ZNF410: variants seen among roughly 807,000 people sequenced by gnomAD.
ZNF410 encodes another partner for ARF 1.
A neutral mutation model predicts 54.8 loss-of-function variants in ZNF410; 18 were observed. The ratio of observed to expected loss-of-function variants is 0.33; its 90% confidence interval spans 0.23 to 0.49. ZNF410 has a LOEUF of 0.49. Among genes scored for constraint, ZNF410 ranks in the 20% least tolerant of loss-of-function variants. The probability of loss-of-function intolerance (pLI) is 0.99; values close to 1 mark genes in which losing one functional copy is unlikely to be tolerated. For missense variants in ZNF410, 405 were observed against 569.6 expected (o/e 0.71, Z 2.94); for synonymous variants, 191 against 207.3 (o/e 0.92, Z 0.68).
chr14:73,919,178 G>A (rs1222632623), intron 8 of ZNF410, among the ~76,000 whole-genome samples: 2 of 150,944 alleles, frequency 1.3e-5, no homozygotes, highest in Non-Finnish European at 2.9e-5. Flanking sequence ...GCTAATTTTT[G>A]TAGAGATGCG....
intron 4 of ZNF410, 84 bp from the exon 5 acceptor site, chr14:73,897,987 A>AAG (rs2055348986): frequency 7.7e-7 from 1 of 1,291,788 alleles, no homozygotes; most frequent in Non-Finnish European, 1.0e-6. Context: ...AAAAAAAAAA[A>AAG]AAAGGGACAT....
At position 73,896,489 on chromosome 14, in the gene ZNF410, C is replaced by T; in HGVS notation, c.343C>T (p.Pro115Ser). The change falls in exon 4 of 12, where the codon CCA becomes TCA. Residue 115 changes from proline to serine, a missense_variant. Pro to Ser is a moderately conservative substitution (Grantham distance 74). This residue lies in a region of ZNF410 where 247 missense variants were observed against 342.8 expected (regional missense o/e 0.72). Transcript: ENST00000555044. ...TTCTAGCTTGTTGCAAGATCTACAG[C>T]CAAGTGATAGCACTTCTTTTATTCT... Reference protein sequence around the residue: ...ESSSLLQDLQPSDSTSFILLN... With the variant: ...ESSSLLQDLQSSDSTSFILLN... 6.2e-7 allele frequency: 1 copy of T among 1,614,146 alleles called. No individual in the cohort carries two copies. Among genetic ancestry groups the T allele is most frequent in the South Asian group, 1.1e-5 (1 of 91,074 alleles).
At chr14:73,917,238 A>G (rs1364133634) in intron 8 of ZNF410, among the ~76,000 whole-genome samples, 1 of 152,158 alleles carries the variant, frequency 6.6e-6, no homozygotes, top group East Asian at 1.9e-4. Context: ...ATGAAGTTTA[A>G]GACTTTTGGA....
chr14:73,915,440 C>T (rs982460801), intron 8 of ZNF410, among the ~76,000 whole-genome samples: 13 of 151,542 alleles, frequency 8.6e-5, no homozygotes, highest in African/African-American at 1.5e-4. Flanking sequence ...TGAGTTCAAG[C>T]GATTCTCCTG....
intron 5 of ZNF410, among the ~76,000 whole-genome samples, chr14:73,901,345 C>T (rs1353447766): frequency 6.6e-6 from 1 of 151,776 alleles, no homozygotes; most frequent in Non-Finnish European, 1.5e-5. Context: ...CCAAGGTGGG[C>T]AGATCACTGG....
At chr14:73,894,569 G>C (rs529841173) in intron 3 of ZNF410, among the ~76,000 whole-genome samples, 1 of 152,122 alleles carries the variant, frequency 6.6e-6, no homozygotes, top group East Asian at 1.9e-4. Flanking sequence ...TGGGATTACA[G>C]GTGCGTGCCA....
chr14:73,925,875 C>CA (rs560618914), intron 11 of ZNF410, among the ~76,000 whole-genome samples: 3 of 150,982 alleles, frequency 2.0e-5, no homozygotes, highest in Non-Finnish European at 4.4e-5. Flanking sequence ...ACAAAAAATA[C>CA]AAAAAAAAAT....
intron 5 of ZNF410, among the ~76,000 whole-genome samples, chr14:73,900,531 G>A (rs992013250): frequency 6.6e-6 from 1 of 151,876 alleles, no homozygotes; most frequent in Non-Finnish European, 1.5e-5. Flanking sequence ...ATGCCACCAT[G>A]CCCAGCTAAT....
chr14:73,893,213 A>T (rs2055258799), intron 2 of ZNF410: 1 of 152,224 alleles, frequency 6.6e-6, no homozygotes, highest in Non-Finnish European at 1.5e-5. Context: ...TTAAAATGTA[A>T]TTATTTTTAT....
intron 7 of ZNF410, among the ~76,000 whole-genome samples, chr14:73,905,929 AT>A (rs1433267727): frequency 7.0e-6 from 1 of 142,150 alleles, no homozygotes; most frequent in Non-Finnish European, 1.5e-5. Context: ...ATATATACAC[AT>A]ACATACATAT....
chr14:73,892,033 T>C lies in ZNF410; in HGVS notation c.-143T>C. On this transcript the variant is annotated 5_prime_UTR_variant, in exon 2 of 12. Transcript: ENST00000555044. ...TTTTTTACCCCTATTCTAGGTTACA[T>C]TGATTACCCACCTAGTACAACATCT... 2.1e-6 allele frequency: 2 copies of C among 933,334 alleles called. No homozygotes were observed. The highest frequency in any genetic ancestry group is 1.3e-5 in the South Asian group (1 of 75,874). The allele number at this position is 933,334 out of a possible 1,614,324, so 57.8% of individuals were successfully genotyped here.
rs761765659 is a variant in ZNF410 at position 73,923,477 on chromosome 14, G to A, written c.1353G>A (p.Arg451=). The change falls in exon 11 of 12, where the codon AGG becomes AGA. Residue 451 remains arginine (R), a synonymous_variant. Coordinates refer to ENST00000555044, the MANE Select transcript of ZNF410 (RefSeq NM_021188.3). ...ACCTGGTGACCATGCAGTCAGGGAG[G>A]CAATCATATGAAGTTTCTGTCTTAA... The part of the protein sequence containing the change: ...THHLVTMQSG[R]QSYEVSVLTA... 1 of 1,613,934 alleles carries A rather than the reference G, an allele frequency of 6.2e-7. No homozygotes were observed. Among genetic ancestry groups the A allele is most frequent in the Non-Finnish European group, 8.5e-7 (1 of 1,179,926 alleles).
rs766032896 is a variant in ZNF410 at position 73,931,536 on chromosome 14, A to AC, written c.1433dup (p.Ter479MetfsTer14). The AC allele has an allele frequency of 6.2e-7, 1 of 1,608,952 alleles. No homozygotes were observed. Among genetic ancestry groups the AC allele is most frequent in the South Asian group, 1.1e-5 (1 of 90,062 alleles). On this transcript the variant is annotated frameshift_variant, in exon 12 of 12. Transcript: ENST00000555044. LOFTEE classifies it high-confidence loss of function. ...CCAAGGAGATTTAACTGAAAGACGG[A>AC]CATGAGCGTGGGTGCTGACTCCTGG...
chr14:73,894,151 A>G (rs765862420), intron 3 of ZNF410, among the ~76,000 whole-genome samples: 47 of 152,176 alleles, frequency 3.1e-4, no homozygotes, highest in Non-Finnish European at 5.9e-4. Context: ...GTGGGGAAAA[A>G]AGGTCAGTGC....
intron 8 of ZNF410, among the ~76,000 whole-genome samples, chr14:73,918,765 G>A (rs552039103): frequency 1.4e-4 from 19 of 132,310 alleles, no homozygotes; most frequent in African/African-American, 5.6e-4. Flanking sequence ...GTGGCGTGAT[G>A]TCGGCTCACT....
At chr14:73,898,397 T>A in intron 5 of ZNF410, 135 bp downstream of exon 5, 2 of 996,146 alleles carry the variant, frequency 2.0e-6, no homozygotes, top group Non-Finnish European at 2.9e-6. Context: ...GTAAATTGTT[T>A]AAATTTTATT....
At chr14:73,892,567 TTATA>T (rs1034341425) in intron 2 of ZNF410, among the ~76,000 whole-genome samples, 13 of 152,130 alleles carry the variant, frequency 8.5e-5, no homozygotes, top group Admixed American at 2.6e-4. Context: ...TTTGTTTATT[TTATA>T]TATATCTGTA....
chr14:73,892,767 A>T (rs918159548), intron 2 of ZNF410, among the ~76,000 whole-genome samples: 1 of 152,142 alleles, frequency 6.6e-6, no homozygotes, highest in Non-Finnish European at 1.5e-5. Context: ...AATGTCTTCA[A>T]TTTTATTCCT....
chr14:73,904,516 T>C (rs2055452946), intron 6 of ZNF410, among the ~76,000 whole-genome samples: 2 of 152,090 alleles, frequency 1.3e-5, no homozygotes, highest in Admixed American at 1.3e-4. Flanking sequence ...CAGGGTGGAG[T>C]ACAGTGGCGC....
Sources: allele counts gnomAD v4.1 joint callset (sites outside exome capture counted in the v4.1 genomes callset), GRCh38; gene constraint gnomAD v4.1.1; regional missense constraint gnomAD v4.1.1; transcripts MANE v1.5; gene names NCBI Gene and HGNC (gene_info 2026-07-23, HGNC 2026-07-21).